The following NCAPG2 variants were observed in gnomAD, a reference collection of about 807,000 sequenced individuals.
NCAPG2 encodes condensin-2 complex subunit G2.
NCAPG2 carries 53 observed loss-of-function variants against 141.1 expected under a neutral mutation model. That is an observed-to-expected ratio of 0.38 (90% CI 0.30 to 0.47). NCAPG2 has a LOEUF of 0.47. Among genes scored for constraint, NCAPG2 ranks in the 20% least tolerant of loss-of-function variants. The pLI, the probability that NCAPG2 is intolerant of heterozygous loss-of-function variation, is 0.99. For missense variants in NCAPG2, 1,087 were observed against 1,389.0 expected, an observed-to-expected ratio of 0.78 and a Z score of 3.46; for synonymous variants, 499 against 490.7, an observed-to-expected ratio of 1.02 and a Z score of -0.22.
Position 158,656,333 on chromosome 7 carries a change from T to C in NCAPG2, c.2315A>G (p.Lys772Arg). ...VYIEYLLTHPKNRECLLSAPR... is the reference protein window; with the variant it reads ...VYIEYLLTHPRNRECLLSAPR... ...AGCAGAGAGCAAGCACTCGCGGTTC[T>C]TTGGATGAGTCAGCAGATACTCAAT... Residue 772 changes from lysine to arginine, a missense_variant, in exon 19 of 28, where the codon AAG (lysine) becomes AGG (arginine). Transcript: ENST00000356309. 1 of 1,614,220 alleles carries C rather than the reference T, an allele frequency of 6.2e-7. No homozygotes were observed. The highest frequency in any genetic ancestry group is 8.5e-7 in the Non-Finnish European group (1 of 1,180,036).
intron 22 of NCAPG2, among the ~76,000 whole-genome samples, chr7:158,653,846 G>T (rs1404906558): frequency 6.6e-6 from 1 of 152,068 alleles, no homozygotes; most frequent in Non-Finnish European, 1.5e-5. Flanking sequence ...GGGATATTGG[G>T]ATACTACTTA....
chr7:158,638,825 C>T (rs913943222), intron 27 of NCAPG2, among the ~76,000 whole-genome samples: 8 of 152,138 alleles, frequency 5.3e-5, no homozygotes, highest in Non-Finnish European at 2.9e-5. Context: ...GATCAGGTGG[C>T]ACTCCACCTC....
At chr7:158,641,315 AC>A (rs1322369863) in intron 27 of NCAPG2, 2 of 404,334 alleles carry the variant, frequency 4.9e-6, no homozygotes, top group African/African-American at 2.1e-5. Context: ...TGAATATGGT[AC>A]ATATGCACCA....
chr7:158,645,871 T>C (rs1452911824), intron 25 of NCAPG2, among the ~76,000 whole-genome samples: 2 of 152,162 alleles, frequency 1.3e-5, no homozygotes, highest in African/African-American at 2.4e-5. Flanking sequence ...ATACCCTCAA[T>C]GCACACAAAA....
chr7:158,685,778 C>G (rs1208726133), intron 8 of NCAPG2, among the ~76,000 whole-genome samples: 1 of 152,202 alleles, frequency 6.6e-6, no homozygotes, highest in Non-Finnish European at 1.5e-5. Flanking sequence ...CTAATACATC[C>G]AAACCACTAA....
chr7:158,640,716 C>T (rs1305004367), intron 27 of NCAPG2: 1 of 151,952 alleles, frequency 6.6e-6, no homozygotes, highest in Non-Finnish European at 1.5e-5. Context: ...AAAAGAAGTT[C>T]TCTGGAGGGA....
intron 5 of NCAPG2, 35 bp downstream of exon 5, chr7:158,690,533 G>C: frequency 6.3e-7 from 1 of 1,592,590 alleles, no homozygotes; most frequent in Non-Finnish European, 8.6e-7. Context: ...AATAGAGAGA[G>C]ACCCTGTCTT....
intron 10 of NCAPG2, 73 bp from the exon 11 acceptor site, chr7:158,680,158 A>C: frequency 1.4e-6 from 2 of 1,423,604 alleles, no homozygotes; most frequent in South Asian, 2.6e-5. Context: ...CAGTGTTCCC[A>C]AAGTAACACT....
At chr7:158,692,598 G>C (rs1052141038) in intron 4 of NCAPG2, among the ~76,000 whole-genome samples, 1 of 152,126 alleles carries the variant, frequency 6.6e-6, no homozygotes, top group African/African-American at 2.4e-5. Flanking sequence ...AAAATTAGGC[G>C]GGCGTGGTGG....
At chr7:158,656,999 A>G (rs1290821594) in intron 17 of NCAPG2, among the ~76,000 whole-genome samples, 1 of 152,250 alleles carries the variant, frequency 6.6e-6, no homozygotes, top group Non-Finnish European at 1.5e-5. Flanking sequence ...TTCTAGAGCA[A>G]GAGTTTCTAC....
chr7:158,701,596 C>T (rs1425945612), intron 2 of NCAPG2, among the ~76,000 whole-genome samples: 2 of 152,194 alleles, frequency 1.3e-5, no homozygotes, highest in Non-Finnish European at 2.9e-5. Flanking sequence ...TCCTTTCCCC[C>T]AACATCCCTC....
rs200860676 is a variant in NCAPG2, at chr7:158,650,918, G to A, written c.2989C>T (p.Arg997Trp). 3.8e-4 allele frequency: 612 copies of A among 1,613,592 alleles called. 1 individual carries two copies. Among genetic ancestry groups the A allele is most frequent in the Middle Eastern group, 4.9e-4 (3 of 6,082 alleles). ...CGGTGCACAGGGGTGTCTGTGTGCCGAGACTGAACAGCAGTAATGAACTCA... is the reference window on the plus strand; with the variant it reads ...CGGTGCACAGGGGTGTCTGTGTGCCAAGACTGAACAGCAGTAATGAACTCA... The part of the protein sequence containing the change: ...LHEFITAVQS[R>W]HTDTPVHRGV... The change falls in exon 24 of 28, where the codon CGG becomes TGG. Residue 997 changes from arginine (R) to tryptophan (W), a missense_variant. By Grantham distance (101) the Arg-to-Trp change is moderately radical (BLOSUM62 -3). Coordinates refer to ENST00000356309, the MANE Select transcript of NCAPG2 (RefSeq NM_017760.7).
At chr7:158,697,935 G>C (rs539623214) in intron 2 of NCAPG2, among the ~76,000 whole-genome samples, 14 of 152,258 alleles carry the variant, frequency 9.2e-5, no homozygotes, top group East Asian at 3.9e-4. Flanking sequence ...TGGCCTATTG[G>C]AGGGTAGAGG....
chr7:158,639,383 C>T (rs754066402), intron 27 of NCAPG2, among the ~76,000 whole-genome samples: 26 of 152,172 alleles, frequency 1.7e-4, no homozygotes, highest in Non-Finnish European at 2.6e-4. Context: ...GCTGGGATTA[C>T]AGCTGTAAGC....
At position 158,687,239 on chromosome 7, in the gene NCAPG2, T is replaced by TTCTA. The variant is rs142168279; in HGVS notation, c.767+108_767+109insTAGA. 3,472 of 650,282 alleles carry TTCTA rather than the reference T, an allele frequency of 5.3e-3. 143 individuals are homozygous for TTCTA. In the East Asian group the frequency reaches 0.086, roughly 16 times the overall value. 40.3% of individuals were successfully genotyped at this position (650,282 alleles called of 1,614,324 possible). A position where few individuals can be genotyped will look rare whatever the true frequency, so the allele number is the denominator to read the frequency against. On this transcript the variant is annotated intron_variant, in intron 7 of 27. Transcript: ENST00000356309. ...ATCCAATGGTACATAATAAATAACG[T>TTCTA]ATTTCTAAAGCTTCTAATCCATTAC... is the stretch of plus-strand genomic sequence containing the variant.
intron 13 of NCAPG2, among the ~76,000 whole-genome samples, chr7:158,667,929 CTTACCTACCCTCTGGCCCTCCACCCT>C (rs1563541230): frequency 1.3e-3 from 3 of 2,358 alleles, no homozygotes; most frequent in Non-Finnish European, 2.2e-3. Context: ...CTCCGCCCTC[CTTACCTACCCTCTGGCCCTCCACCCT>C]CTTACCCACT....
chr7:158,673,485 A>C (rs1257332076), intron 12 of NCAPG2, among the ~76,000 whole-genome samples: 1 of 152,206 alleles, frequency 6.6e-6, no homozygotes, highest in Non-Finnish European at 1.5e-5. Flanking sequence ...GCATGGGCCC[A>C]GTCTGAAGGG....
At chr7:158,657,610 T>C (rs879728409) in intron 17 of NCAPG2, among the ~76,000 whole-genome samples, 6 of 152,092 alleles carry the variant, frequency 3.9e-5, no homozygotes, top group Admixed American at 3.9e-4. Flanking sequence ...TACTGGGAAG[T>C]GAGGAGCCCC....
At chr7:158,660,779 G>T (rs1311344379) in intron 16 of NCAPG2, among the ~76,000 whole-genome samples, 1 of 152,116 alleles carries the variant, frequency 6.6e-6, no homozygotes. Context: ...ATGTCCTCCT[G>T]AATTGTAGCT....
Sources: gnomAD v4.1 joint callset for allele counts (sites outside exome capture counted in the v4.1 genomes callset) on GRCh38, gnomAD v4.1.1 for gene constraint, MANE v1.5 for transcripts, NCBI Gene and HGNC (gene_info 2026-07-23, HGNC 2026-07-21) for gene names.